The following IGF1R variants were observed in gnomAD, a reference collection of about 807,000 sequenced individuals.
The protein encoded by IGF1R is insulin like growth factor 1 receptor.
IGF1R carries 44 observed loss-of-function variants against 144.6 expected under a neutral mutation model. That is an observed-to-expected ratio of 0.30 (90% CI 0.24 to 0.39). IGF1R has a LOEUF of 0.39. Among genes scored for constraint, IGF1R ranks in the 10% least tolerant of loss-of-function variants. The pLI, the probability that IGF1R is intolerant of heterozygous loss-of-function variation, is 1.00. For synonymous variants in IGF1R, 795 were observed against 722.8 expected (o/e 1.10, Z -1.60); for missense variants, 1,355 against 1,833.7 (o/e 0.74, Z 4.77).
intron 2 of IGF1R, among the ~76,000 whole-genome samples, chr15:98,747,676 T>A (rs971918481): frequency 6.6e-6 from 1 of 152,198 alleles, no homozygotes; most frequent in African/African-American, 2.4e-5. Context: ...TGGAGATTTT[T>A]AAAAAAGCCT....
chr15:98,784,054 AGC>A (rs1480010804), intron 2 of IGF1R, among the ~76,000 whole-genome samples: 4 of 127,200 alleles, frequency 3.1e-5, no homozygotes, highest in African/African-American at 1.2e-4. Context: ...AGCTCACTGC[AGC>A]CTCTGGCTTC....
chr15:98,945,936 C>A (rs1377012225), intron 19 of IGF1R, among the ~76,000 whole-genome samples: 1 of 151,980 alleles, frequency 6.6e-6, no homozygotes, highest in Admixed American at 6.6e-5. Flanking sequence ...AGAGCTAGGT[C>A]TGCTACCTCC....
chr15:98,791,850 C>A (rs1269604609), intron 2 of IGF1R, among the ~76,000 whole-genome samples: 1 of 152,126 alleles, frequency 6.6e-6, no homozygotes, highest in Non-Finnish European at 1.5e-5. Context: ...TAAATACAGA[C>A]TGAGAGTTTC....
intron 2 of IGF1R, among the ~76,000 whole-genome samples, chr15:98,784,069 G>A (rs887615222): frequency 3.0e-5 from 4 of 133,016 alleles, no homozygotes; most frequent in Middle Eastern, 5.1e-3. Context: ...CTGGCTTCCG[G>A]GTTCAAGCGA....
chr15:98,945,432 C>T (rs1455055481), intron 19 of IGF1R, among the ~76,000 whole-genome samples: 11 of 152,208 alleles, frequency 7.2e-5, no homozygotes, highest in Non-Finnish European at 1.6e-4. Context: ...AGCCGCCGGT[C>T]TTCCCCCTGG....
intron 2 of IGF1R, among the ~76,000 whole-genome samples, chr15:98,861,148 G>A (rs1239889290): frequency 6.6e-6 from 1 of 151,466 alleles, no homozygotes; most frequent in African/African-American, 2.4e-5. Flanking sequence ...TACCCACATC[G>A]AAGCCCAACT....
chr15:98,878,693 A>AAAAAAAAAAAAAAAAAAAAAAC (rs1567174382), intron 2 of IGF1R, among the ~76,000 whole-genome samples: 1 of 126,118 alleles, frequency 7.9e-6, no homozygotes, highest in African/African-American at 3.6e-5. Context: ...AAAAAAAAAA[A>AAAAAAAAAAAAAAAAAAAAAAC]AACAACAACA....
At chr15:98,755,223 G>A (rs932097414) in intron 2 of IGF1R, among the ~76,000 whole-genome samples, 3 of 151,728 alleles carry the variant, frequency 2.0e-5, no homozygotes, top group African/African-American at 7.3e-5. Context: ...ACTTTTTCTC[G>A]GTGTATGGAT....
chr15:98,795,797 A>G (rs2056228380), intron 2 of IGF1R, among the ~76,000 whole-genome samples: 1 of 152,224 alleles, frequency 6.6e-6, no homozygotes, highest in African/African-American at 2.4e-5. Flanking sequence ...GTCGCACCAC[A>G]TGCGACATGC....
At chr15:98,900,955 A>G (rs2014451897) in intron 5 of IGF1R, among the ~76,000 whole-genome samples, 1 of 152,230 alleles carries the variant, frequency 6.6e-6, no homozygotes, top group Non-Finnish European at 1.5e-5. Context: ...AATGATAGAC[A>G]TAGAGGTGAA....
At chr15:98,741,886 A>G (rs45490892) in intron 2 of IGF1R, among the ~76,000 whole-genome samples, 46,151 of 152,018 alleles carry the variant, frequency 0.3, 7,162 homozygotes, top group South Asian at 0.38. Flanking sequence ...CTAGATTTCT[A>G]TGTAATTTGT....
At chr15:98,890,122 C>T (rs1384146104) in intron 2 of IGF1R, among the ~76,000 whole-genome samples, 2 of 152,282 alleles carry the variant, frequency 1.3e-5, no homozygotes, top group South Asian at 2.1e-4. Context: ...CTTCTAATAT[C>T]CTATGGTTCT....
chr15:98,864,496 G>C (rs1306122366), intron 2 of IGF1R, among the ~76,000 whole-genome samples: 1 of 152,166 alleles, frequency 6.6e-6, no homozygotes, highest in Non-Finnish European at 1.5e-5. Flanking sequence ...TTAAGTTAAT[G>C]CTCCCACCTC....
At chr15:98,908,092 G>A (rs537542650) in intron 5 of IGF1R, among the ~76,000 whole-genome samples, 1 of 152,342 alleles carries the variant, frequency 6.6e-6, no homozygotes, top group South Asian at 2.1e-4. Context: ...CTGCATGTTA[G>A]TGGCTCTTCC....
At chr15:98,916,260 G>GTT (rs2015241179) in intron 9 of IGF1R, 129 bp downstream of exon 9, 22 of 725,628 alleles carry the variant, frequency 3.0e-5, no homozygotes, top group East Asian at 9.6e-5. Flanking sequence ...GCTATCTTCT[G>GTT]GTTTTTTTTT....
chr15:98,772,587 C>A (rs776956451), intron 2 of IGF1R, among the ~76,000 whole-genome samples: 19 of 151,256 alleles, frequency 1.3e-4, no homozygotes, highest in Non-Finnish European at 2.2e-4. Context: ...GCCTCGAACT[C>A]CTGGGCTCAA....
At chr15:98,807,381 G>A (rs765009344) in intron 2 of IGF1R, among the ~76,000 whole-genome samples, 2 of 152,146 alleles carry the variant, frequency 1.3e-5, no homozygotes. Context: ...ATGTAAGTTC[G>A]GGCAGCTTTC....
chr15:98,776,591 C>G (rs1163514421), intron 2 of IGF1R, among the ~76,000 whole-genome samples: 4 of 152,198 alleles, frequency 2.6e-5, no homozygotes, highest in Non-Finnish European at 5.9e-5. Flanking sequence ...CCTCCTTCCC[C>G]CTACCTCCCT....
rs1464430 is a variant in IGF1R at position 98,924,705 on chromosome 15, A to G, written c.2782+21A>G. The G allele has an allele frequency of 3.0e-5, 49 of 1,606,654 alleles. No individual in the cohort carries two copies. The East Asian group carries it at 1.0e-3, about 33-fold the overall frequency. On this transcript the variant is annotated intron_variant, in intron 13 of 20. Coordinates refer to ENST00000650285, the MANE Select transcript of IGF1R (RefSeq NM_000875.5). ...CAAAAGTAAGGCTTGTGGAGGGAGA[A>G]GAAACGTGGTAAAACTGAAAGCAGG... is the stretch of plus-strand genomic sequence containing the variant.
Sources: gnomAD v4.1 joint callset for allele counts (sites outside exome capture counted in the v4.1 genomes callset) on GRCh38, gnomAD v4.1.1 for gene constraint, MANE v1.5 for transcripts, NCBI Gene and HGNC (gene_info 2026-07-23, HGNC 2026-07-21) for gene names.